The following CNKSR2 variants were observed in gnomAD, a reference collection of about 807,000 sequenced individuals.
CNKSR2 encodes connector enhancer of kinase suppressor of Ras 2, also known as CNK homolog protein 2.
A neutral mutation model predicts 84.4 loss-of-function variants in CNKSR2; 14 were observed. The observed-to-expected ratio is 0.17, with a 90% CI of 0.11 to 0.26. CNKSR2 has a LOEUF of 0.26. Among genes scored for constraint, CNKSR2 ranks in the 10% least tolerant of loss-of-function variants. The pLI, the probability that CNKSR2 is intolerant of heterozygous loss-of-function variation, is 1.00. For missense variants in CNKSR2, 485 were observed against 771.2 expected (o/e 0.63, Z 4.40); for synonymous variants, 275 against 277.9 (o/e 0.99, Z 0.10).
intron 9 of CNKSR2, among the ~76,000 whole-genome samples, chrX:21,525,983 A>G (rs2091831269): frequency 9.0e-6 from 1 of 111,267 alleles, no homozygotes; most frequent in Admixed American, 9.6e-5. Flanking sequence ...GTTTCACTTC[A>G]GGATAATTTC....
chrX:21,422,876 A>C (rs993632808), intron 1 of CNKSR2, among the ~76,000 whole-genome samples: 7 of 111,277 alleles, frequency 6.3e-5, no homozygotes, highest in Admixed American at 2.9e-4. Context: ...TTAAGAAAAG[A>C]CTGGATGGGC....
chrX:21,492,966 C>T (rs1490746276), intron 6 of CNKSR2: 2 of 111,490 alleles, frequency 1.8e-5, no homozygotes. Context: ...GGGAGAATAC[C>T]AAGATTTAAT....
Position 21,426,609 on chromosome X carries a change from C to T in CNKSR2, c.177C>T (p.Arg59=). Residue 59 remains arginine, a synonymous_variant, in exon 2 of 22, where the codon CGC becomes CGT. Transcript: ENST00000379510. ...HQELEDLGVS[R]IGHQELILEA... ...AGCTAGAAGATCTGGGGGTCAGCCG[C>T]ATTGGCCATCAGGAACTGATCTTGG... 2 of 1,208,409 alleles carry T rather than the reference C, an allele frequency of 1.7e-6. No homozygotes were observed. Among genetic ancestry groups the T allele is most frequent in the Non-Finnish European group, 1.1e-6 (1 of 894,278 alleles).
chrX:21,513,784 ATAG>A (rs2091699095), intron 8 of CNKSR2, among the ~76,000 whole-genome samples: 1 of 112,201 alleles, frequency 8.9e-6, no homozygotes, highest in Admixed American at 9.5e-5. Flanking sequence ...AGTGTTTTAA[ATAG>A]TAGTGTTGCC....
chrX:21,466,274 A>G (rs1252358770), intron 4 of CNKSR2, among the ~76,000 whole-genome samples: 1 of 111,554 alleles, frequency 9.0e-6, no homozygotes, highest in African/African-American at 3.3e-5. Context: ...TGTAAAGTAT[A>G]GATTTATCCA....
At chrX:21,612,662 T>C (rs758917724) in intron 20 of CNKSR2, among the ~76,000 whole-genome samples, 3 of 112,305 alleles carry the variant, frequency 2.7e-5, no homozygotes, top group Non-Finnish European at 5.6e-5. Context: ...TCTTATCATT[T>C]ACGTTTTATC....
intron 13 of CNKSR2, among the ~76,000 whole-genome samples, chrX:21,585,939 G>A (rs887021550): frequency 7.2e-5 from 8 of 111,369 alleles, no homozygotes; most frequent in South Asian, 3.8e-4. Flanking sequence ...ATCAATAAGC[G>A]TTACAAGCTT....
At chrX:21,375,171 A>G (rs2089791050) in intron 1 of CNKSR2, among the ~76,000 whole-genome samples, 1 of 112,927 alleles carries the variant, frequency 8.9e-6, no homozygotes, top group Non-Finnish European at 1.9e-5. Context: ...CGGAGCGGCC[A>G]GAGAGCTAGA....
At chrX:21,554,801 CAT>C (rs2092123967) in intron 11 of CNKSR2, among the ~76,000 whole-genome samples, 1 of 111,081 alleles carries the variant, frequency 9.0e-6, no homozygotes, top group Admixed American at 9.6e-5. Flanking sequence ...CATACACATG[CAT>C]ATGTCTTTAT....
chrX:21,529,707 C>A (rs925775108), intron 10 of CNKSR2, among the ~76,000 whole-genome samples: 1 of 110,820 alleles, frequency 9.0e-6, no homozygotes, highest in East Asian at 2.8e-4. Flanking sequence ...CACATACACA[C>A]ATTTACATAC....
chrX:21,472,974 T>A (rs2091216709), intron 5 of CNKSR2, among the ~76,000 whole-genome samples: 1 of 111,364 alleles, frequency 9.0e-6, no homozygotes, highest in Non-Finnish European at 1.9e-5. Context: ...TAAATATTTT[T>A]AATTTTAAAT....
At chrX:21,635,504 A>G (rs2092668251) in intron 20 of CNKSR2, among the ~76,000 whole-genome samples, 1 of 105,253 alleles carries the variant, frequency 9.5e-6, no homozygotes, top group African/African-American at 3.4e-5. Context: ...GTATATATGT[A>G]TATATGTATA....
chrX:21,545,063 T>C (rs2092011695), intron 11 of CNKSR2, among the ~76,000 whole-genome samples: 1 of 110,981 alleles, frequency 9.0e-6, no homozygotes, highest in Admixed American at 9.5e-5. Flanking sequence ...GAAAGGGGGC[T>C]GAAGCCAGGG....
chrX:21,652,445 T>C lies in CNKSR2; in HGVS notation c.3029T>C (p.Leu1010Pro), dbSNP rs778689572. 1.7e-6 allele frequency: 2 copies of C among 1,209,773 alleles called. No individual in the cohort carries two copies. Among genetic ancestry groups the C allele is most frequent in the Non-Finnish European group, 2.2e-6 (2 of 893,595 alleles). ...ICQNTTSNDP[L>P]SISSEVDVIT... ...CAAAATACCACCTCAAATGACCCAC[T>C]GAGTATTTCTTCTGAAGTAGATGTA... The change falls in exon 22 of 22, where the codon CTG (leucine) becomes CCG (proline). Residue 1010 changes from leucine (L) to proline (P), a missense_variant. Transcript: ENST00000379510.
intron 20 of CNKSR2, chrX:21,642,885 AC>A: frequency 1.4e-6 from 1 of 706,920 alleles, no homozygotes; most frequent in Non-Finnish European, 1.7e-6. Context: ...CTGTGCTCTA[AC>A]CATTTTAATG....
intron 18 of CNKSR2, among the ~76,000 whole-genome samples, chrX:21,605,998 C>T (rs1418211481): frequency 8.9e-6 from 1 of 111,824 alleles, no homozygotes; most frequent in East Asian, 2.8e-4. Context: ...GAACAGATTC[C>T]GATTATTAGC....
intron 11 of CNKSR2, among the ~76,000 whole-genome samples, chrX:21,537,627 T>C (rs764096937): frequency 1.8e-5 from 2 of 111,617 alleles, no homozygotes; most frequent in African/African-American, 6.5e-5. Flanking sequence ...ACCTTCTTTT[T>C]ACAGTTTTTG....
chrX:21,509,484 T>C (rs2091648981), intron 8 of CNKSR2, among the ~76,000 whole-genome samples: 1 of 112,191 alleles, frequency 8.9e-6, no homozygotes, highest in East Asian at 2.8e-4. Context: ...TTATTTAAAA[T>C]AGGTAAACCT....
At chrX:21,414,438 AGTT>A (rs201727957) in intron 1 of CNKSR2, among the ~76,000 whole-genome samples, 268 of 106,952 alleles carry the variant, frequency 2.5e-3, no homozygotes, top group African/African-American at 8.3e-3. Context: ...TTTCCTATGG[AGTT>A]GTTTGAGCTC....
Sources: allele counts gnomAD v4.1 joint callset (sites outside exome capture counted in the v4.1 genomes callset), GRCh38; gene constraint gnomAD v4.1.1; transcripts MANE v1.5; gene names NCBI Gene and HGNC (gene_info 2026-07-23, HGNC 2026-07-21).